Variants in NXPH2 observed in about 807,000 individuals in gnomAD.
NXPH2 encodes the protein neurexophilin 2.
NXPH2 carries 5 observed loss-of-function variants against 19.8 expected under a neutral mutation model. That is an observed-to-expected ratio of 0.25 (90% CI 0.13 to 0.53). The LOEUF (loss-of-function observed/expected upper bound fraction) is 0.53, where lower values mean the gene tolerates loss of function less well. Among genes scored for constraint, NXPH2 ranks in the 20% least tolerant of loss-of-function variants. NXPH2 has a pLI of 0.96. For missense variants in NXPH2, 289 were observed against 322.8 expected (o/e 0.90, Z 0.80); for synonymous variants, 154 against 127.4 (o/e 1.21, Z -1.41).
chr2:138,766,623 C>T (rs1243412723), intron 1 of NXPH2, among the ~76,000 whole-genome samples: 1 of 152,158 alleles, frequency 6.6e-6, no homozygotes, highest in African/African-American at 2.4e-5. Flanking sequence ...CCTCTGCTTT[C>T]CCACTTCCAG....
intron 1 of NXPH2, among the ~76,000 whole-genome samples, chr2:138,674,007 C>T (rs1169037766): frequency 3.3e-5 from 5 of 151,974 alleles, no homozygotes; most frequent in Middle Eastern, 3.2e-3. Flanking sequence ...TTTTTAGAGA[C>T]AGGATATCAC....
intron 1 of NXPH2, among the ~76,000 whole-genome samples, chr2:138,680,825 C>G (rs1680569812): frequency 6.6e-6 from 1 of 152,188 alleles, no homozygotes. Context: ...TCCTTTGTAT[C>G]TGGTTCCAAA....
At chr2:138,741,778 C>T (rs567423666) in intron 1 of NXPH2, among the ~76,000 whole-genome samples, 2 of 152,226 alleles carry the variant, frequency 1.3e-5, no homozygotes, top group South Asian at 4.2e-4. Flanking sequence ...TAGATATTAC[C>T]TACATTTGCT....
At chr2:138,740,300 G>A (rs1344722567) in intron 1 of NXPH2, among the ~76,000 whole-genome samples, 1 of 152,168 alleles carries the variant, frequency 6.6e-6, no homozygotes, top group Non-Finnish European at 1.5e-5. Flanking sequence ...ACAACATGAA[G>A]TAAAGTATCA....
chr2:138,711,231 C>G (rs532535931), intron 1 of NXPH2, among the ~76,000 whole-genome samples: 2 of 143,988 alleles, frequency 1.4e-5, no homozygotes, highest in Admixed American at 1.5e-4. Flanking sequence ...ACCTCCATCT[C>G]CCAGGTTCAA....
chr2:138,721,542 A>G (rs1373189994), intron 1 of NXPH2, among the ~76,000 whole-genome samples: 1 of 152,110 alleles, frequency 6.6e-6, no homozygotes, highest in African/African-American at 2.4e-5. Flanking sequence ...TGGAGGATGT[A>G]CTGGAGGAAT....
intron 1 of NXPH2, among the ~76,000 whole-genome samples, chr2:138,719,388 A>C (rs1681242505): frequency 6.6e-6 from 1 of 152,196 alleles, no homozygotes; most frequent in South Asian, 2.1e-4. Context: ...CAGGCGAAGA[A>C]AGGAGTCTTT....
At chr2:138,773,103 G>GT (rs1234680407) in intron 1 of NXPH2, among the ~76,000 whole-genome samples, 2 of 152,202 alleles carry the variant, frequency 1.3e-5, no homozygotes. Context: ...GCACAGATGT[G>GT]TGTGGCCTTG....
At chr2:138,705,224 A>G (rs889226819) in intron 1 of NXPH2, among the ~76,000 whole-genome samples, 9 of 152,074 alleles carry the variant, frequency 5.9e-5, no homozygotes, top group African/African-American at 2.2e-4. Context: ...ATGGCCTCTC[A>G]AAGTGTTGAG....
In NXPH2 at chr2:138,709,479, T is replaced by G. The variant is rs537750848; in HGVS notation, c.52-37814A>C. 9.1e-4 allele frequency among the ~76,000 whole-genome samples: 138 copies of G among 151,452 alleles called. 1 individual carries two copies. Among genetic ancestry groups the G allele is most frequent in the Middle Eastern group, 6.8e-3 (2 of 292 alleles). On this transcript the variant is annotated intron_variant, in intron 1 of 1. Transcript: ENST00000272641. ...ACCCACAGCTGCCCCATTACCACCT[T>G]TCCCCCCACCAGTGTGGTGCATTTG...
At chr2:138,758,236 T>C (rs1012460251) in intron 1 of NXPH2, among the ~76,000 whole-genome samples, 2 of 152,142 alleles carry the variant, frequency 1.3e-5, no homozygotes, top group African/African-American at 2.4e-5. Context: ...TATTATTTCC[T>C]AGGGTCTATC....
At chr2:138,728,291 A>G (rs891485015) in intron 1 of NXPH2, among the ~76,000 whole-genome samples, 33 of 152,316 alleles carry the variant, frequency 2.2e-4, no homozygotes, top group African/African-American at 7.0e-4. Flanking sequence ...CTAGAAATCA[A>G]TCCTACTAGG....
chr2:138,726,769 C>T (rs1681367208), intron 1 of NXPH2, among the ~76,000 whole-genome samples: 1 of 152,210 alleles, frequency 6.6e-6, no homozygotes, highest in South Asian at 2.1e-4. Flanking sequence ...GTTGACCCTA[C>T]ATTGACACAT....
intron 1 of NXPH2, among the ~76,000 whole-genome samples, chr2:138,720,429 G>A (rs537960266): frequency 1.3e-5 from 2 of 152,310 alleles, no homozygotes; most frequent in Admixed American, 6.5e-5. Flanking sequence ...GCATTTCTTC[G>A]GCTGCTCTGA....
intron 1 of NXPH2, among the ~76,000 whole-genome samples, chr2:138,747,645 A>G (rs151164855): frequency 0.014 from 2,149 of 152,292 alleles, 30 homozygotes; most frequent in Non-Finnish European, 0.024. Flanking sequence ...CTCACCATGC[A>G]TACGTGGTAG....
chr2:138,685,004 A>C (rs1379649189), intron 1 of NXPH2, among the ~76,000 whole-genome samples: 1 of 152,184 alleles, frequency 6.6e-6, no homozygotes, highest in Non-Finnish European at 1.5e-5. Flanking sequence ...CTCTGCTGAG[A>C]TGACAGATTG....
At chr2:138,751,836 G>A (rs967128209) in intron 1 of NXPH2, among the ~76,000 whole-genome samples, 6 of 151,982 alleles carry the variant, frequency 3.9e-5, no homozygotes, top group African/African-American at 7.3e-5. Flanking sequence ...TTATTTGAAA[G>A]GTTGTAAGTA....
chr2:138,749,382 A>G (rs1229122455), intron 1 of NXPH2, among the ~76,000 whole-genome samples: 2 of 152,274 alleles, frequency 1.3e-5, no homozygotes, highest in South Asian at 4.2e-4. Flanking sequence ...CACAACTAGT[A>G]AAGTTATTAT....
intron 1 of NXPH2, among the ~76,000 whole-genome samples, chr2:138,711,048 G>A (rs1164945673): frequency 1.3e-5 from 2 of 151,016 alleles, no homozygotes; most frequent in African/African-American, 2.4e-5. Flanking sequence ...ATTGCAAAAT[G>A]TTATCGCTGC....
Sources: allele counts gnomAD v4.1 joint callset (sites outside exome capture counted in the v4.1 genomes callset), GRCh38; gene constraint gnomAD v4.1.1; transcripts MANE v1.5; gene names NCBI Gene and HGNC (gene_info 2026-07-23, HGNC 2026-07-21).